Variants in MAGI1 observed in about 807,000 individuals in gnomAD.
MAGI1 encodes membrane-associated guanylate kinase, WW and PDZ domain-containing protein 1.
Under a neutral mutation model 139.9 loss-of-function variants are expected in MAGI1, and 58 were observed. The ratio of observed to expected loss-of-function variants is 0.41; its 90% confidence interval spans 0.34 to 0.52. The LOEUF (loss-of-function observed/expected upper bound fraction) is 0.52, where lower values mean the gene tolerates loss of function less well. MAGI1 is among the 20% of genes least tolerant of loss of function. The pLI, the probability that MAGI1 is intolerant of heterozygous loss-of-function variation, is 0.12. For missense variants in MAGI1, 1,874 were observed against 1,901.6 expected (o/e 0.99, Z 0.27); for synonymous variants, 812 against 737.9 (o/e 1.10, Z -1.63).
chr3:65,992,672 C>T (rs1360630292), intron 1 of MAGI1, among the ~76,000 whole-genome samples: 1 of 152,176 alleles, frequency 6.6e-6, no homozygotes, highest in African/African-American at 2.4e-5. Flanking sequence ...GTGAAAGCTG[C>T]TAGTTGGCAC....
chr3:65,578,355 G>C (rs1285810985), intron 2 of MAGI1, among the ~76,000 whole-genome samples: 1 of 151,876 alleles, frequency 6.6e-6, no homozygotes, highest in Non-Finnish European at 1.5e-5. Context: ...TTGCACACAA[G>C]AAGAAAGGGA....
At chr3:65,932,760 G>C (rs1330729873) in intron 1 of MAGI1, among the ~76,000 whole-genome samples, 2 of 151,362 alleles carry the variant, frequency 1.3e-5, no homozygotes, top group East Asian at 3.9e-4. Context: ...AACATAATCA[G>C]AGGAAAGAAG....
chr3:65,961,436 C>T (rs1200302451), intron 1 of MAGI1, among the ~76,000 whole-genome samples: 1 of 152,144 alleles, frequency 6.6e-6, no homozygotes, highest in Non-Finnish European at 1.5e-5. Flanking sequence ...CTGAACTGTA[C>T]ACTGTTAACT....
chr3:65,370,425 T>G (rs965040782), intron 18 of MAGI1, among the ~76,000 whole-genome samples: 2 of 152,194 alleles, frequency 1.3e-5, no homozygotes, highest in Non-Finnish European at 2.9e-5. Context: ...CAGCAGAACA[T>G]GTATTGCCTT....
chr3:65,794,789 T>C (rs1046408573), intron 1 of MAGI1, among the ~76,000 whole-genome samples: 1 of 150,980 alleles, frequency 6.6e-6, no homozygotes, highest in Non-Finnish European at 1.5e-5. Context: ...AAATCTTTTA[T>C]GTAATATGTT....
At chr3:65,881,586 C>G (rs2060330902) in intron 1 of MAGI1, among the ~76,000 whole-genome samples, 1 of 151,854 alleles carries the variant, frequency 6.6e-6, no homozygotes, top group African/African-American at 2.4e-5. Context: ...ATGATCTCAC[C>G]ACTCTACTCC....
chr3:65,995,537 GT>G (rs58171473), intron 1 of MAGI1, among the ~76,000 whole-genome samples: 12,934 of 149,554 alleles, frequency 0.086, 752 homozygotes, highest in East Asian at 0.25. Context: ...CCCTTAAAGG[GT>G]TTTTTTTTTG....
At chr3:65,772,428 A>G (rs2107949105) in intron 1 of MAGI1, among the ~76,000 whole-genome samples, 1 of 152,288 alleles carries the variant, frequency 6.6e-6, no homozygotes, top group East Asian at 1.9e-4. Flanking sequence ...TTTTCACCAC[A>G]GGAGTGGGCA....
chr3:66,002,267 T>C (rs900877267), intron 1 of MAGI1, among the ~76,000 whole-genome samples: 4 of 152,238 alleles, frequency 2.6e-5, no homozygotes, highest in Non-Finnish European at 2.9e-5. Context: ...GAGATCTCAC[T>C]GCATTAAATG....
intron 1 of MAGI1, among the ~76,000 whole-genome samples, chr3:65,696,641 T>A (rs1318707593): frequency 6.6e-6 from 1 of 152,042 alleles, no homozygotes; most frequent in African/African-American, 2.4e-5. Flanking sequence ...TCCTGCTAGA[T>A]ACCAAAAACA....
chr3:65,701,399 T>C (rs1297942849), intron 1 of MAGI1, among the ~76,000 whole-genome samples: 2 of 152,118 alleles, frequency 1.3e-5, no homozygotes, highest in Admixed American at 6.5e-5. Flanking sequence ...ATTACAAGCA[T>C]GCACCACCAC....
intron 2 of MAGI1, among the ~76,000 whole-genome samples, chr3:65,603,712 C>T (rs77163459): frequency 0.018 from 2,688 of 152,286 alleles, 30 homozygotes; most frequent in Non-Finnish European, 0.029. Flanking sequence ...ATACCTGAGA[C>T]AGTCGTTTAT....
chr3:65,494,903 C>G (rs926838567), intron 2 of MAGI1, among the ~76,000 whole-genome samples: 7 of 152,296 alleles, frequency 4.6e-5, no homozygotes, highest in Middle Eastern at 6.8e-3. Context: ...TATCTGAAAT[C>G]TGAATATTTT....
At position 66,015,246 on chromosome 3, in the gene MAGI1, T is replaced by C. The variant is rs143088883; in HGVS notation, c.313+22750A>G. Among the ~76,000 whole-genome samples the C allele has an allele frequency of 9.2e-5, 14 of 151,488 alleles. No individual in the cohort carries two copies. The East Asian group carries it at 2.5e-3, about 27-fold the overall frequency. ...CAAAGACATAATACACACGTACTAA[T>C]TGATAAATTAAGACAGCTATGGTAA... On this transcript the variant is annotated intron_variant, in intron 1 of 22. Coordinates refer to ENST00000402939, the MANE Select transcript of MAGI1 (RefSeq NM_001033057.2).
intron 2 of MAGI1, among the ~76,000 whole-genome samples, chr3:65,515,686 G>T (rs1386880234): frequency 4.6e-5 from 7 of 152,150 alleles, no homozygotes; most frequent in Non-Finnish European, 7.3e-5. Context: ...CAAAGTCTAT[G>T]GCACCAACCC....
intron 1 of MAGI1, among the ~76,000 whole-genome samples, chr3:65,767,651 T>C (rs894408405): frequency 2.0e-5 from 3 of 152,204 alleles, no homozygotes; most frequent in Non-Finnish European, 1.5e-5. Flanking sequence ...GCCATTGTTA[T>C]GGACTGATCT....
At chr3:65,546,308 T>C (rs943136366) in intron 2 of MAGI1, among the ~76,000 whole-genome samples, 2 of 152,210 alleles carry the variant, frequency 1.3e-5, no homozygotes, top group Non-Finnish European at 2.9e-5. Flanking sequence ...GGCCATTCCA[T>C]ACAGCATATA....
In MAGI1 at chr3:65,895,001, C is replaced by T. The variant is rs544472921; in HGVS notation, c.313+142995G>A. Among the ~76,000 whole-genome samples the T allele has an allele frequency of 3.3e-5, 5 of 152,250 alleles. No homozygotes were observed. In the South Asian group the frequency reaches 1.0e-3, roughly 32 times the overall value. ...ATCACTGTGGCATTTCCAAACAGGACTGAATGGTTGGAAACGGAGGTGCTA... is the reference window on the plus strand; with the variant it reads ...ATCACTGTGGCATTTCCAAACAGGATTGAATGGTTGGAAACGGAGGTGCTA... On this transcript the variant is annotated intron_variant, in intron 1 of 22. Coordinates refer to ENST00000402939, the MANE Select transcript of MAGI1 (RefSeq NM_001033057.2).
At chr3:65,712,032 G>C (rs1398628728) in intron 1 of MAGI1, among the ~76,000 whole-genome samples, 1 of 152,156 alleles carries the variant, frequency 6.6e-6, no homozygotes, top group African/African-American at 2.4e-5. Context: ...AGGACAGAAA[G>C]AGAGGGTGTT....
Sources: allele counts gnomAD v4.1 joint callset (sites outside exome capture counted in the v4.1 genomes callset), GRCh38; gene constraint gnomAD v4.1.1; transcripts MANE v1.5; gene names NCBI Gene and HGNC (gene_info 2026-07-23, HGNC 2026-07-21).